Variants in NIPBL observed in about 807,000 individuals in gnomAD.
The protein encoded by NIPBL is nipped-B-like protein.
NIPBL carries 19 observed loss-of-function variants against 321.8 expected under a neutral mutation model. The observed-to-expected ratio is 0.06, with a 90% CI of 0.04 to 0.09. The LOEUF (loss-of-function observed/expected upper bound fraction) is 0.09. Among genes scored for constraint, NIPBL ranks in the 10% least tolerant of loss-of-function variants. The probability of loss-of-function intolerance (pLI) is 1.00; values close to 1 mark genes in which losing one functional copy is unlikely to be tolerated. For synonymous variants in NIPBL, 1,106 were observed against 1,114.1 expected, an observed-to-expected ratio of 0.99 and a Z score of 0.14; for missense variants, 2,210 against 3,327.0, an observed-to-expected ratio of 0.66 and a Z score of 8.26.
chr5:36,893,189 AC>A (rs747419072), intron 1 of NIPBL, among the ~76,000 whole-genome samples: 8 of 152,206 alleles, frequency 5.3e-5, no homozygotes, highest in Non-Finnish European at 1.2e-4. Context: ...CTAAATCCAT[AC>A]ATACACTATA....
At chr5:37,050,788 C>T (rs1753455882) in intron 40 of NIPBL, among the ~76,000 whole-genome samples, 1 of 152,142 alleles carries the variant, frequency 6.6e-6, no homozygotes, top group African/African-American at 2.4e-5. Context: ...AGTTCATTTG[C>T]AGATTCTGCT....
chr5:36,968,668 C>G (rs1742513795), intron 6 of NIPBL, among the ~76,000 whole-genome samples: 1 of 152,098 alleles, frequency 6.6e-6, no homozygotes, highest in Non-Finnish European at 1.5e-5. Flanking sequence ...TAAGTCTAGC[C>G]TGTGCAATAC....
intron 22 of NIPBL, among the ~76,000 whole-genome samples, 168 bp downstream of exon 22, chr5:37,014,933 C>G (rs980269139): frequency 2.6e-5 from 4 of 151,996 alleles, no homozygotes; most frequent in Non-Finnish European, 5.9e-5. Flanking sequence ...TATTAAAAAT[C>G]TAAAATTGGG....
intron 9 of NIPBL, among the ~76,000 whole-genome samples, chr5:36,979,531 A>G (rs980593015): frequency 8.6e-5 from 13 of 151,958 alleles, no homozygotes; most frequent in Middle Eastern, 3.4e-3. Flanking sequence ...TCATCAGTGA[A>G]CAGAGATAAT....
intron 42 of NIPBL, among the ~76,000 whole-genome samples, chr5:37,053,328 AATATG>A (rs140364370): frequency 0.12 from 17,616 of 152,134 alleles, 1,094 homozygotes; most frequent in Admixed American, 0.18. Flanking sequence ...GTACAGTAAA[AATATG>A]ATAGGATAAT....
rs1744726041 is a variant in NIPBL at position 36,985,838 on chromosome 5, A to G, written c.2658A>G (p.Gln886=). ...DSRERPSSGE[Q]KSRPDSPRVK... ...GGGAAAGACCATCTTCTGGGGAACA[A>G]AAATCAAGACCTGACAGTCCTCGTG... The change falls in exon 10 of 47, where the codon CAA becomes CAG. Residue 886 remains glutamine, a synonymous_variant. Coordinates refer to ENST00000282516, the MANE Select transcript of NIPBL (RefSeq NM_133433.4). 2.5e-6 allele frequency: 4 copies of G among 1,613,796 alleles called. No homozygotes were observed. Among genetic ancestry groups the G allele is most frequent in the African/African-American group, 1.3e-5 (1 of 74,912 alleles).
chr5:36,962,544 A>T (rs1451305301), intron 6 of NIPBL, among the ~76,000 whole-genome samples: 1 of 152,178 alleles, frequency 6.6e-6, no homozygotes, highest in African/African-American at 2.4e-5. Context: ...GTGTGAAATT[A>T]AGAAGAACTG....
chr5:37,038,278 T>TCA (rs1380060201), intron 33 of NIPBL, among the ~76,000 whole-genome samples: 4 of 152,218 alleles, frequency 2.6e-5, no homozygotes, highest in South Asian at 2.1e-4. Flanking sequence ...GTGTGAGCCA[T>TCA]CACACACAGC....
In NIPBL at chr5:37,020,446, A is replaced by G. The variant is rs13177643; in HGVS notation, c.5011-13A>G. 853 of 1,574,590 alleles carry G rather than the reference A, an allele frequency of 5.4e-4. No individual in the cohort carries two copies. Among genetic ancestry groups the G allele is most frequent in the Non-Finnish European group, 7.1e-4 (811 of 1,144,616 alleles). On this transcript the variant is annotated splice_polypyrimidine_tract_variant and intron_variant, in intron 25 of 46. Coordinates refer to ENST00000282516, the MANE Select transcript of NIPBL (RefSeq NM_133433.4). ...AATTTCATCAAGCTCAAGTCTGTCT[A>G]ATTTCTTTCCAGTTTTCTCGTAAAT...
At chr5:36,944,423 A>G (rs1739441682) in intron 1 of NIPBL, among the ~76,000 whole-genome samples, 1 of 152,110 alleles carries the variant, frequency 6.6e-6, no homozygotes, top group Non-Finnish European at 1.5e-5. Context: ...AGCATATTCC[A>G]TGTTTTCGTA....
chr5:36,905,055 G>A (rs1194507822), intron 1 of NIPBL, among the ~76,000 whole-genome samples: 3 of 152,110 alleles, frequency 2.0e-5, no homozygotes, highest in African/African-American at 4.8e-5. Context: ...TGAAAAATTC[G>A]ACAAAAACAA....
At chr5:36,920,388 A>G (rs1338316032) in intron 1 of NIPBL, among the ~76,000 whole-genome samples, 3 of 152,244 alleles carry the variant, frequency 2.0e-5, no homozygotes, top group Non-Finnish European at 2.9e-5. Context: ...TAGACCTTGA[A>G]TGAATAATGA....
intron 21 of NIPBL, among the ~76,000 whole-genome samples, chr5:37,014,014 C>A (rs1393143230): frequency 6.6e-6 from 1 of 152,210 alleles, no homozygotes; most frequent in Admixed American, 6.5e-5. Flanking sequence ...GAGACCAGCC[C>A]AGCCAACACA....
intron 1 of NIPBL, among the ~76,000 whole-genome samples, chr5:36,933,055 A>G (rs915232786): frequency 1.3e-5 from 2 of 151,940 alleles, no homozygotes; most frequent in East Asian, 3.8e-4. Context: ...GGATTACAAT[A>G]TGCTTCTTAA....
intron 32 of NIPBL, 98 bp downstream of exon 32, chr5:37,027,510 C>CTTTTTAGT: frequency 1.3e-6 from 1 of 798,320 alleles, no homozygotes; most frequent in South Asian, 1.5e-5. Flanking sequence ...TTAAAAGAAC[C>CTTTTTAGT]TTTTTAGTTC....
rs577811230 is a variant in NIPBL, at chr5:36,958,263, A to C, written c.358+32A>C. The C allele has an allele frequency of 6.8e-5, 109 of 1,609,944 alleles. 1 individual carries two copies. The highest frequency in any genetic ancestry group is 5.7e-4 in the South Asian group (52 of 90,982). On this transcript the variant is annotated intron_variant, in intron 4 of 46. Transcript: ENST00000282516. Reference sequence around the variant, plus strand: ...TTCTTAATAACTGAATTCCCATATCAAACTTGTTTTATACATATTTAAATC... The same window carrying C: ...TTCTTAATAACTGAATTCCCATATCCAACTTGTTTTATACATATTTAAATC...
chr5:37,006,856 C>T (rs1469069160), intron 17 of NIPBL, among the ~76,000 whole-genome samples: 3 of 151,814 alleles, frequency 2.0e-5, no homozygotes, highest in Non-Finnish European at 4.4e-5. Context: ...TAATTTTACC[C>T]AAAATAGCAG....
chr5:37,059,257 A>G, intron 44 of NIPBL, 92 bp downstream of exon 44: 1 of 1,415,644 alleles, frequency 7.1e-7, no homozygotes, highest in East Asian at 2.3e-5. Flanking sequence ...CTGTAATCCC[A>G]ACATTTTGGG....
intron 10 of NIPBL, among the ~76,000 whole-genome samples, chr5:36,989,047 G>C (rs1745165661): frequency 6.6e-6 from 1 of 152,104 alleles, no homozygotes; most frequent in African/African-American, 2.4e-5. Context: ...AATGCCTATT[G>C]AATGGAGATG....
Sources: allele counts gnomAD v4.1 joint callset (sites outside exome capture counted in the v4.1 genomes callset), GRCh38; gene constraint gnomAD v4.1.1; transcripts MANE v1.5; gene names NCBI Gene and HGNC (gene_info 2026-07-23, HGNC 2026-07-21).